The following OXCT1 variants were observed in gnomAD, a reference collection of about 807,000 sequenced individuals.
OXCT1 encodes the protein succinyl-CoA:3-ketoacid coenzyme A transferase 1, mitochondrial.
OXCT1 carries 27 observed loss-of-function variants against 69.6 expected under a neutral mutation model. The observed-to-expected ratio is 0.39, with a 90% confidence interval of 0.29 to 0.54. The LOEUF is 0.54. OXCT1 is among the 20% of genes least tolerant of loss of function. OXCT1 has a pLI of 0.72. For synonymous variants in OXCT1, 202 were observed against 217.8 expected (o/e 0.93, Z 0.64); for missense variants, 437 against 650.2 (o/e 0.67, Z 3.57).
intron 8 of OXCT1, 121 bp downstream of exon 8, chr5:41,807,210 C>G: frequency 1.4e-6 from 1 of 703,432 alleles, no homozygotes; most frequent in South Asian, 1.5e-5. Context: ...GAAGCTCTTA[C>G]TAAGATCCAA....
At chr5:41,788,034 T>TA (rs1745733527) in intron 13 of OXCT1, among the ~76,000 whole-genome samples, 1 of 152,138 alleles carries the variant, frequency 6.6e-6, no homozygotes, top group Non-Finnish European at 1.5e-5. Flanking sequence ...CTTAAAAAGA[T>TA]AGTCGAGTGT....
intron 1 of OXCT1, 98 bp from the exon 2 acceptor site, chr5:41,862,848 C>A: frequency 2.7e-6 from 2 of 733,426 alleles, no homozygotes; most frequent in Non-Finnish European, 4.9e-6. Context: ...ATGATAATTT[C>A]ATTATCTCCT....
rs569795463 is a variant in OXCT1 at position 41,854,615 on chromosome 5, T to C, written c.279-1061A>G. Reference sequence around the variant, plus strand: ...TTTTAATGACAAAATTTTTTTTTAATGGTGAAATATTTTTAATGGCGAAAT... The same window carrying C: ...TTTTAATGACAAAATTTTTTTTTAACGGTGAAATATTTTTAATGGCGAAAT... On this transcript the variant is annotated intron_variant, in intron 3 of 16. Coordinates refer to ENST00000196371, the MANE Select transcript of OXCT1 (RefSeq NM_000436.4). 3.3e-4 allele frequency among the ~76,000 whole-genome samples: 50 copies of C among 152,238 alleles called. 1 individual carries two copies. Among genetic ancestry groups the C allele is most frequent in the Admixed American group, 3.0e-3 (46 of 15,288 alleles).
At chr5:41,829,639 A>C (rs529042842) in intron 7 of OXCT1, among the ~76,000 whole-genome samples, 1 of 152,312 alleles carries the variant, frequency 6.6e-6, no homozygotes, top group Non-Finnish European at 1.5e-5. Flanking sequence ...AACTATTTCT[A>C]TTCTGCTATT....
At chr5:41,861,481 T>C in intron 2 of OXCT1, 77 bp from the exon 3 acceptor site, 3 of 892,454 alleles carry the variant, frequency 3.4e-6, no homozygotes, top group South Asian at 1.3e-5. Flanking sequence ...GTTATTCTTT[T>C]TAAAAGGGAA....
At chr5:41,766,319 A>G (rs1744595750) in intron 13 of OXCT1, among the ~76,000 whole-genome samples, 1 of 152,152 alleles carries the variant, frequency 6.6e-6, no homozygotes. Flanking sequence ...TGATTCAAGT[A>G]TCCTCAATTC....
Position 41,859,212 on chromosome 5 carries a change from T to C in OXCT1, c.278+2102A>G, listed in dbSNP as rs1579897754. Among the ~76,000 whole-genome samples the C allele has an allele frequency of 4.6e-5, 7 of 152,294 alleles. No individual in the cohort carries two copies. The South Asian group carries it at 1.2e-3, about 27-fold the overall frequency. The stretch of plus-strand genomic sequence containing the variant: ...TGTGCTTGTGTTCAAGTAGTCCTTA[T>C]CTTACTTAATAATGGCCCCAAAACA... On this transcript the variant is annotated intron_variant, in intron 3 of 16. Transcript: ENST00000196371.
At chr5:41,745,236 G>A (rs1344276181) in intron 15 of OXCT1, among the ~76,000 whole-genome samples, 1 of 151,926 alleles carries the variant, frequency 6.6e-6, no homozygotes, top group Non-Finnish European at 1.5e-5. Context: ...TAGAACTCAG[G>A]ATTAAGAAAC....
intron 16 of OXCT1, among the ~76,000 whole-genome samples, chr5:41,735,107 A>G (rs1297141267): frequency 6.6e-6 from 1 of 152,182 alleles, no homozygotes; most frequent in African/African-American, 2.4e-5. Flanking sequence ...ATATCTAAAA[A>G]ATTTCAAAGC....
At chr5:41,808,446 T>C (rs1746795208) in intron 7 of OXCT1, among the ~76,000 whole-genome samples, 1 of 152,124 alleles carries the variant, frequency 6.6e-6, no homozygotes, top group Non-Finnish European at 1.5e-5. Context: ...ACTATATGCC[T>C]TCACTAGGCT....
rs558014136 is a variant in OXCT1, at chr5:41,807,469, G to A, written c.733-31C>T. On this transcript the variant is annotated intron_variant, in intron 7 of 16. Transcript: ENST00000196371. The stretch of plus-strand genomic sequence containing the variant: ...CAAAGAGAAATTTCTTTCAAAGTTA[G>A]TGAAAGCTTAAAGTGAACATTTTTA... 55 of 1,256,006 alleles carry A rather than the reference G, an allele frequency of 4.4e-5. No homozygotes were observed. In the South Asian group the frequency reaches 5.4e-4, roughly 12 times the overall value. The allele number at this position is 1,256,006 out of a possible 1,614,324, so 77.8% of individuals were successfully genotyped here.
chr5:41,806,838 G>C (rs1202525460), intron 8 of OXCT1, among the ~76,000 whole-genome samples: 1 of 152,000 alleles, frequency 6.6e-6, no homozygotes, highest in Non-Finnish European at 1.5e-5. Context: ...TACCTTCAAT[G>C]CTCCTGGTAC....
intron 13 of OXCT1, among the ~76,000 whole-genome samples, chr5:41,763,318 G>A (rs1744436053): frequency 6.6e-6 from 1 of 152,078 alleles, no homozygotes; most frequent in Non-Finnish European, 1.5e-5. Flanking sequence ...CAACAGCTGG[G>A]GGACAAGGGA....
intron 13 of OXCT1, among the ~76,000 whole-genome samples, chr5:41,790,364 G>C (rs1745855571): frequency 6.6e-6 from 1 of 152,134 alleles, no homozygotes; most frequent in Non-Finnish European, 1.5e-5. Flanking sequence ...CGCTTGCCTG[G>C]GGTTTTACCA....
In OXCT1 at chr5:41,802,925, G is replaced by A. The variant is rs564958457; in HGVS notation, c.1050+144C>T. ...GGATCCACTAAAATCTCAGGTTTCA[G>A]CATTATACAATTTATCCATGTAACC... is the stretch of plus-strand genomic sequence containing the variant. On this transcript the variant is annotated intron_variant, in intron 10 of 16. Coordinates refer to ENST00000196371, the MANE Select transcript of OXCT1 (RefSeq NM_000436.4). 2.3e-5 allele frequency: 15 copies of A among 657,350 alleles called. No individual in the cohort carries two copies. In the East Asian group the frequency reaches 3.9e-4, roughly 17 times the overall value. 40.7% of individuals were successfully genotyped at this position (657,350 alleles called of 1,614,324 possible).
chr5:41,769,760 A>G (rs1157668780), intron 13 of OXCT1, among the ~76,000 whole-genome samples: 1 of 151,900 alleles, frequency 6.6e-6, no homozygotes, highest in Non-Finnish European at 1.5e-5. Flanking sequence ...GTAGGATATC[A>G]TCTTGCTTAT....
chr5:41,755,930 C>T (rs1744045649), intron 14 of OXCT1, among the ~76,000 whole-genome samples: 1 of 152,008 alleles, frequency 6.6e-6, no homozygotes, highest in African/African-American at 2.4e-5. Context: ...TAAATATGTT[C>T]TGATGGGCAG....
At chr5:41,746,701 C>A (rs1017275551) in intron 15 of OXCT1, among the ~76,000 whole-genome samples, 3 of 152,076 alleles carry the variant, frequency 2.0e-5, no homozygotes, top group Non-Finnish European at 4.4e-5. Flanking sequence ...AGATCCAAAT[C>A]TCCAATTGTT....
At chr5:41,772,322 T>C (rs1045236182) in intron 13 of OXCT1, among the ~76,000 whole-genome samples, 4 of 150,402 alleles carry the variant, frequency 2.7e-5, no homozygotes, top group Non-Finnish European at 5.9e-5. Context: ...TTAATGTAAT[T>C]ACACCGCCAT....
Sources: gnomAD v4.1 joint callset for allele counts (sites outside exome capture counted in the v4.1 genomes callset) on GRCh38, gnomAD v4.1.1 for gene constraint, MANE v1.5 for transcripts, NCBI Gene and HGNC (gene_info 2026-07-23, HGNC 2026-07-21) for gene names.